The following SLC5A4 variants were observed in gnomAD, a reference collection of about 807,000 sequenced individuals.
SLC5A4 encodes probable glucose sensor protein SLC5A4.
In SLC5A4, 55 loss-of-function variants were observed where a neutral mutation model predicts 70.3. The ratio of observed to expected loss-of-function variants is 0.78; its 90% CI spans 0.63 to 0.98. SLC5A4 has a LOEUF of 0.98. Among genes scored for constraint, SLC5A4 ranks in the 50% least tolerant of loss-of-function variants. SLC5A4 has a pLI of 0.00. For missense variants in SLC5A4, 735 were observed against 839.2 expected (o/e 0.88, Z 1.53); for synonymous variants, 268 against 305.7 (o/e 0.88, Z 1.29).
the SLC5A4 span, among the ~76,000 whole-genome samples, chr22:32,320,402 A>G: frequency 6.6e-6 from 1 of 152,208 alleles, no homozygotes; most frequent in Non-Finnish European, 1.5e-5. Context: ...CAACATAGGT[A>G]CAAGCACATT....
the SLC5A4 span, among the ~76,000 whole-genome samples, chr22:32,316,934 C>CTGTGTGTGTGTGTG: frequency 0.047 from 6,924 of 148,638 alleles, 240 homozygotes; most frequent in Admixed American, 0.11. Context: ...ATTAACAACT[C>CTGTGTGTGTGTGTG]TGTGTGTGTG....
chr22:32,300,232 T>G, the SLC5A4 span, among the ~76,000 whole-genome samples: 1 of 151,716 alleles, frequency 6.6e-6, no homozygotes, highest in African/African-American at 2.4e-5. Flanking sequence ...GCCTGGGCAA[T>G]GGGGGGCGCC....
chr22:32,272,645 C>T, the SLC5A4 span: 1 of 580,964 alleles, frequency 1.7e-6, no homozygotes, highest in Non-Finnish European at 3.2e-6. Flanking sequence ...TGTACATGTA[C>T]CTGCCTGAAG....
At chr22:32,315,286 G>C in the SLC5A4 span, among the ~76,000 whole-genome samples, 2 of 151,688 alleles carry the variant, frequency 1.3e-5, no homozygotes, top group Non-Finnish European at 2.9e-5. Flanking sequence ...AAACAAAACA[G>C]AACTGGCATA....
rs2123870211 is a variant in SLC5A4, at chr22:32,224,390, G to A, written c.1542C>T (p.Pro514=). 2 of 1,613,902 alleles carry A rather than the reference G, an allele frequency of 1.2e-6. No individual in the cohort carries two copies. The highest frequency in any genetic ancestry group is 1.7e-6 in the Non-Finnish European group (2 of 1,179,814). ...FAYGTGSCLA[P]SNCPKIICGV... Reference sequence around the variant, plus strand: ...CACAGATAATCTTGGGACAGTTACTGGGAGCCAAGCAACTCCCTGTTCCAT... The same window carrying A: ...CACAGATAATCTTGGGACAGTTACTAGGAGCCAAGCAACTCCCTGTTCCAT... Residue 514 remains proline, a synonymous_variant, in exon 13 of 15, where the codon CCC becomes CCT. Coordinates refer to ENST00000266086, the MANE Select transcript of SLC5A4 (RefSeq NM_014227.3).
At chr22:32,251,970 C>A (rs1009536134) in intron 2 of SLC5A4, 96 bp from the exon 3 acceptor site, 20 of 860,526 alleles carry the variant, frequency 2.3e-5, no homozygotes, top group Non-Finnish European at 3.9e-5. Context: ...TGGCTCACGC[C>A]TGTAATCCCA....
chr22:32,268,358 C>T, the SLC5A4 span: 1 of 152,124 alleles, frequency 6.6e-6, no homozygotes, highest in Admixed American at 6.6e-5. Context: ...CTTGAAAAAC[C>T]CGTGTACCTA....
At chr22:32,297,668 A>T in the SLC5A4 span, among the ~76,000 whole-genome samples, 2 of 111,766 alleles carry the variant, frequency 1.8e-5, 1 homozygote, top group Non-Finnish European at 3.9e-5. Flanking sequence ...TTCTGCTCTG[A>T]TTTTAGTTAT....
chr22:32,292,385 A>G, the SLC5A4 span, among the ~76,000 whole-genome samples: 3 of 147,378 alleles, frequency 2.0e-5, no homozygotes, highest in Non-Finnish European at 4.4e-5. Context: ...TAATATGTAC[A>G]TACTAGATAT....
chr22:32,331,199 T>C, the SLC5A4 span, among the ~76,000 whole-genome samples: 2 of 112,148 alleles, frequency 1.8e-5, no homozygotes, highest in Non-Finnish European at 3.6e-5. Context: ...GGGGCTCTGG[T>C]GTGTGTATTG....
the SLC5A4 span, among the ~76,000 whole-genome samples, chr22:32,264,542 G>T: frequency 1.3e-5 from 2 of 152,278 alleles, no homozygotes; most frequent in African/African-American, 4.8e-5. Flanking sequence ...CTGCATTCTA[G>T]CAGCAGTGGG....
At chr22:32,269,847 C>A in the SLC5A4 span, 1 of 631,872 alleles carries the variant, frequency 1.6e-6, no homozygotes, top group African/African-American at 1.8e-5. This position sits in a 1 kb window ranked among gnomAD's most constrained non-coding sequence, Gnocchi z 4.1. Flanking sequence ...GATCTACATG[C>A]TGACCCTCAT....
the SLC5A4 span, among the ~76,000 whole-genome samples, chr22:32,307,313 T>G: frequency 6.6e-6 from 1 of 152,184 alleles, no homozygotes; most frequent in African/African-American, 2.4e-5. Flanking sequence ...CATCAGCTGT[T>G]GGCCAGGGGT....
At chr22:32,244,063 A>G (rs1327801692) in intron 5 of SLC5A4, among the ~76,000 whole-genome samples, 1 of 152,212 alleles carries the variant, frequency 6.6e-6, no homozygotes, top group African/African-American at 2.4e-5. Flanking sequence ...GATTTGAAAT[A>G]AAATCTGACA....
chr22:32,280,711 A>C, the SLC5A4 span, among the ~76,000 whole-genome samples: 1 of 152,230 alleles, frequency 6.6e-6, no homozygotes, highest in African/African-American at 2.4e-5. Context: ...AGTTTGTCAA[A>C]TGAAGGAACT....
the SLC5A4 span, among the ~76,000 whole-genome samples, chr22:32,350,750 A>G: frequency 6.6e-6 from 1 of 152,206 alleles, no homozygotes; most frequent in Non-Finnish European, 1.5e-5. Flanking sequence ...ATTTTTACAC[A>G]TATCAACAGT....
At chr22:32,309,043 A>AG in the SLC5A4 span, among the ~76,000 whole-genome samples, 2 of 152,026 alleles carry the variant, frequency 1.3e-5, no homozygotes, top group Non-Finnish European at 2.9e-5. Flanking sequence ...TGTTCATGTT[A>AG]TGCTAATTTC....
intron 5 of SLC5A4, among the ~76,000 whole-genome samples, chr22:32,245,314 T>C (rs1410573918): frequency 6.6e-6 from 1 of 152,164 alleles, no homozygotes; most frequent in African/African-American, 2.4e-5. Flanking sequence ...TAAGGTGTCT[T>C]TCCAGCCAGC....
At chr22:32,337,718 C>T in the SLC5A4 span, among the ~76,000 whole-genome samples, 4 of 152,182 alleles carry the variant, frequency 2.6e-5, no homozygotes, top group African/African-American at 9.7e-5. Flanking sequence ...TGATTTGTAG[C>T]ACGTGCTGTC....
Sources: gnomAD v4.1 joint callset for allele counts (sites outside exome capture counted in the v4.1 genomes callset) on GRCh38, gnomAD v4.1.1 for gene constraint, Gnocchi (gnomAD v3.1) non-coding constraint, MANE v1.5 for transcripts, NCBI Gene and HGNC (gene_info 2026-07-23, HGNC 2026-07-21) for gene names.